Variants in CNTNAP2 observed in about 807,000 individuals in gnomAD.
The protein encoded by CNTNAP2 is contactin associated protein 2, also known as contactin-associated protein-like 2.
In CNTNAP2, 98 loss-of-function variants were observed where a neutral mutation model predicts 155.2. The observed-to-expected ratio is 0.63, with a 90% CI of 0.54 to 0.75. CNTNAP2 has a LOEUF of 0.75. Ranked by LOEUF, CNTNAP2 falls within the 30% of genes least tolerant of loss-of-function variation. The pLI is 0.00. For synonymous variants in CNTNAP2, 651 were observed against 631.2 expected (o/e 1.03, Z -0.47); for missense variants, 1,727 against 1,688.1 (o/e 1.02, Z -0.40).
chr7:147,723,643 G>A (rs1375809345), intron 13 of CNTNAP2, among the ~76,000 whole-genome samples: 2 of 151,662 alleles, frequency 1.3e-5, no homozygotes, highest in African/African-American at 2.4e-5. Flanking sequence ...ATCTGTCCCT[G>A]TTGCTAATAG....
At chr7:146,947,637 A>G (rs1205385242) in intron 3 of CNTNAP2, among the ~76,000 whole-genome samples, 1 of 146,924 alleles carries the variant, frequency 6.8e-6, no homozygotes, top group Non-Finnish European at 1.5e-5. Flanking sequence ...CAGGCATGGT[A>G]GCTCATGCCT....
intron 1 of CNTNAP2, among the ~76,000 whole-genome samples, chr7:146,346,165 G>T (rs1219144235): frequency 6.6e-6 from 1 of 152,084 alleles, no homozygotes; most frequent in African/African-American, 2.4e-5. Flanking sequence ...CTGGGCCGTG[G>T]ACCTGGTACC....
intron 21 of CNTNAP2, among the ~76,000 whole-genome samples, chr7:148,380,769 C>G (rs1219736449): frequency 6.6e-6 from 1 of 152,158 alleles, no homozygotes; most frequent in East Asian, 1.9e-4. Context: ...TAATGGGATA[C>G]TGCATAATAA....
At chr7:148,216,013 T>C (rs924933740) in intron 18 of CNTNAP2, among the ~76,000 whole-genome samples, 1 of 152,240 alleles carries the variant, frequency 6.6e-6, no homozygotes, top group Non-Finnish European at 1.5e-5. Flanking sequence ...GATTAACGGT[T>C]GCATGGGCGA....
At chr7:147,277,766 T>C (rs987106100) in intron 8 of CNTNAP2, among the ~76,000 whole-genome samples, 1 of 141,916 alleles carries the variant, frequency 7.0e-6, no homozygotes, top group African/African-American at 2.6e-5. Flanking sequence ...CTAGATTAAG[T>C]TCAAACTTCT....
intron 1 of CNTNAP2, among the ~76,000 whole-genome samples, chr7:146,566,708 TAAAAA>T (rs1476258962): frequency 9.5e-4 from 144 of 151,464 alleles, no homozygotes; most frequent in East Asian, 3.3e-3. Context: ...AAAATAAAAA[TAAAAA>T]TAAAAATTAA....
At chr7:146,881,138 A>G (rs998161619) in intron 3 of CNTNAP2, among the ~76,000 whole-genome samples, 1 of 152,082 alleles carries the variant, frequency 6.6e-6, no homozygotes, top group Non-Finnish European at 1.5e-5. Flanking sequence ...CTGCCATCCA[A>G]TAGAACCCTA....
At chr7:147,234,419 G>A (rs1803755885) in intron 8 of CNTNAP2, among the ~76,000 whole-genome samples, 1 of 139,280 alleles carries the variant, frequency 7.2e-6, no homozygotes, top group Non-Finnish European at 1.5e-5. Context: ...CTCACTGCAA[G>A]CTCCGCCTCC....
intron 2 of CNTNAP2, among the ~76,000 whole-genome samples, chr7:146,818,430 T>A (rs1013362397): frequency 6.6e-6 from 1 of 151,662 alleles, no homozygotes; most frequent in Non-Finnish European, 1.5e-5. Context: ...GTTTAGCATA[T>A]TTTTTCCATG....
chr7:148,296,020 C>G (rs559300936), intron 21 of CNTNAP2, among the ~76,000 whole-genome samples: 1 of 152,206 alleles, frequency 6.6e-6, no homozygotes, highest in South Asian at 2.1e-4. Context: ...ATTATTTGGG[C>G]CTTGAAATTC....
chr7:148,103,736 G>A (rs752593082), intron 15 of CNTNAP2, among the ~76,000 whole-genome samples: 9 of 152,132 alleles, frequency 5.9e-5, no homozygotes, highest in African/African-American at 1.9e-4. Context: ...ATTCATTTCC[G>A]TTTGGATGCA....
chr7:147,541,681 G>T (rs996495041), intron 11 of CNTNAP2, among the ~76,000 whole-genome samples: 2 of 152,046 alleles, frequency 1.3e-5, no homozygotes, highest in African/African-American at 4.8e-5. Context: ...CAAAACTTTG[G>T]TTACACTCAA....
intron 1 of CNTNAP2, among the ~76,000 whole-genome samples, chr7:146,143,999 T>A (rs1020726641): frequency 6.6e-6 from 1 of 152,074 alleles, no homozygotes; most frequent in Admixed American, 6.6e-5. Flanking sequence ...TGACTTCAGG[T>A]GATCCTCCCA....
At chr7:148,275,272 G>A (rs1796852692) in intron 21 of CNTNAP2, among the ~76,000 whole-genome samples, 1 of 152,120 alleles carries the variant, frequency 6.6e-6, no homozygotes, top group South Asian at 2.1e-4. Flanking sequence ...AGACAAGAGG[G>A]TGGGATAAAT....
chr7:148,313,523 C>T (rs1297562509), intron 21 of CNTNAP2, among the ~76,000 whole-genome samples: 9 of 152,056 alleles, frequency 5.9e-5, no homozygotes, highest in East Asian at 3.9e-4. Context: ...AGCAAGCTCC[C>T]GGGGGAGAAG....
chr7:147,073,065 G>C (rs1373597008), intron 4 of CNTNAP2, among the ~76,000 whole-genome samples: 1 of 149,866 alleles, frequency 6.7e-6, no homozygotes, highest in Non-Finnish European at 1.5e-5. Context: ...TGTTAGCCAG[G>C]ATGGTCTCGA....
At chr7:147,612,485 C>T (rs11773589) in intron 12 of CNTNAP2, among the ~76,000 whole-genome samples, 1 of 150,868 alleles carries the variant, frequency 6.6e-6, no homozygotes, top group East Asian at 1.9e-4. Context: ...ACCACAACCT[C>T]TGCCTCCCAG....
At chr7:147,965,423 A>T (rs1801191670) in intron 14 of CNTNAP2, among the ~76,000 whole-genome samples, 1 of 151,798 alleles carries the variant, frequency 6.6e-6, no homozygotes, top group South Asian at 2.1e-4. Context: ...TAAGAGTTTA[A>T]GGTTTGTCTC....
Position 148,096,282 on chromosome 7 carries a change from T to C in CNTNAP2, c.2384-21836T>C, listed in dbSNP as rs775828996. On this transcript the variant is annotated intron_variant, in intron 15 of 23. Coordinates refer to ENST00000361727, the MANE Select transcript of CNTNAP2 (RefSeq NM_014141.6). ...GTTTTTCTGCGTGCATGCATGCATG[T>C]GTGTGTGTGTGTGTGTGTGTGTGTG... 2.2e-4 allele frequency among the ~76,000 whole-genome samples: 13 copies of C among 58,322 alleles called. 1 individual carries two copies. The highest frequency in any genetic ancestry group is 8.4e-4 in the Admixed American group (5 of 5,946). The allele number at this position is 58,322 out of a possible 152,430, so 38.3% of individuals were successfully genotyped here.
Sources: allele counts gnomAD v4.1 joint callset (sites outside exome capture counted in the v4.1 genomes callset), GRCh38; gene constraint gnomAD v4.1.1; transcripts MANE v1.5; gene names NCBI Gene and HGNC (gene_info 2026-07-23, HGNC 2026-07-21).